FKBP1A: variants seen among roughly 807,000 people sequenced by gnomAD.
FKBP1A encodes peptidyl-prolyl cis-trans isomerase FKBP1A.
In FKBP1A, 5 loss-of-function variants were observed where a neutral mutation model predicts 14.2. The observed-to-expected ratio is 0.35, with a 90% CI of 0.18 to 0.74. The LOEUF (loss-of-function observed/expected upper bound fraction) is 0.74. FKBP1A is among the 30% of genes least tolerant of loss of function. The pLI, the probability that FKBP1A is intolerant of heterozygous loss-of-function variation, is 0.56. For missense variants in FKBP1A, 53 were observed against 138.8 expected, an observed-to-expected ratio of 0.38 and a Z score of 3.10; for synonymous variants, 42 against 49.1, an observed-to-expected ratio of 0.86 and a Z score of 0.60.
rs912140375 is a variant in FKBP1A, at chr20:1,369,269, G to A, written c.*840C>T. 10 of 166,872 alleles carry A rather than the reference G, an allele frequency of 6.0e-5. No homozygotes were observed. The highest frequency in any genetic ancestry group is 1.2e-4 in the Non-Finnish European group (8 of 68,078). 10.3% of individuals were successfully genotyped at this position (166,872 alleles called of 1,614,324 possible). On this transcript the variant is annotated 3_prime_UTR_variant, in exon 5 of 5. Transcript: ENST00000400137. Reference sequence around the variant, plus strand: ...TCACTGGGTGTTAAGTCTACAAACAGCACCTTCAATTGAAACTGTCAATTA... The same window carrying A: ...TCACTGGGTGTTAAGTCTACAAACAACACCTTCAATTGAAACTGTCAATTA...
chr20:1,380,120 C>T (rs1037749212), intron 2 of FKBP1A, among the ~76,000 whole-genome samples: 1 of 152,106 alleles, frequency 6.6e-6, no homozygotes, highest in Non-Finnish European at 1.5e-5. Flanking sequence ...CTAAAAACCA[C>T]CTAGACAAAA....
At chr20:1,388,084 A>G (rs1030881251) in intron 2 of FKBP1A, among the ~76,000 whole-genome samples, 1 of 152,340 alleles carries the variant, frequency 6.6e-6, no homozygotes, top group African/African-American at 2.4e-5. Context: ...ATGCAAAGGG[A>G]AAAATGTACC....
At chr20:1,389,407 A>T (rs1391089164) in intron 2 of FKBP1A, among the ~76,000 whole-genome samples, 1 of 152,192 alleles carries the variant, frequency 6.6e-6, no homozygotes, top group Non-Finnish European at 1.5e-5. Context: ...CAGACATCAG[A>T]TCACCAACCA....
chr20:1,375,579 A>G lies in FKBP1A; in HGVS notation c.110T>C (p.Phe37Ser). ...CTTGTTTCTGTCCCGGGAGGAATCA[A>G]ATTTCTTTCCATCTTCAAGCATCCC... Reference protein sequence around the residue: ...YTGMLEDGKKFDSSRDRNKPF... With the variant: ...YTGMLEDGKKSDSSRDRNKPF... The change falls in exon 3 of 5, where the codon TTT becomes TCT. Residue 37 changes from phenylalanine to serine, a missense_variant. Physicochemically the swap from Phe to Ser is radical, Grantham distance 155 (BLOSUM62 -2). Transcript: ENST00000400137. 6.2e-7 allele frequency: 1 copy of G among 1,613,854 alleles called. No individual in the cohort carries two copies. Among genetic ancestry groups the G allele is most frequent in the Non-Finnish European group, 8.5e-7 (1 of 1,179,806 alleles).
chr20:1,371,675 T>C (rs897773655), intron 4 of FKBP1A: 1 of 982,840 alleles, frequency 1.0e-6, no homozygotes, highest in African/African-American at 1.7e-5. Context: ...AGGGCTTTTT[T>C]TTTCCCCCTC....
chr20:1,384,105 G>C (rs1393078694), intron 2 of FKBP1A, among the ~76,000 whole-genome samples: 2 of 152,152 alleles, frequency 1.3e-5, no homozygotes, highest in African/African-American at 4.8e-5. Flanking sequence ...TCATGCTTTA[G>C]TCTCTAGCTC....
In FKBP1A at chr20:1,386,917, AC is replaced by A. The variant is rs1419556353; in HGVS notation, c.85+5916del. On this transcript the variant is annotated intron_variant, in intron 2 of 4. Coordinates refer to ENST00000400137, the MANE Select transcript of FKBP1A (RefSeq NM_000801.5). This position sits in a 1 kb window ranked among gnomAD's most constrained non-coding sequence, Gnocchi z 4.7. ...TTAAGCTTTTTAGCAGGAAAAGAAA[AC>A]AAAAAAACAGAAGAAAAAATAGAAG... Among the ~76,000 whole-genome samples, 4 of 152,232 alleles carry A rather than the reference AC, an allele frequency of 2.6e-5. No homozygotes were observed. The highest frequency in any genetic ancestry group is 9.7e-5 in the African/African-American group (4 of 41,448).
intron 4 of FKBP1A, chr20:1,370,480 C>T: frequency 2.0e-6 from 2 of 976,496 alleles, no homozygotes; most frequent in Non-Finnish European, 2.4e-6. Flanking sequence ...TAGGGTTTGA[C>T]CTGGGCATCA....
At chr20:1,391,868 C>A in intron 2 of FKBP1A, 1 of 378,880 alleles carries the variant, frequency 2.6e-6, no homozygotes, top group Non-Finnish European at 4.7e-6. Flanking sequence ...GTGGCTACAC[C>A]AATCACTGCC....
chr20:1,388,290 C>G (rs1430438426), intron 2 of FKBP1A, among the ~76,000 whole-genome samples: 1 of 152,186 alleles, frequency 6.6e-6, no homozygotes, highest in Non-Finnish European at 1.5e-5. Flanking sequence ...GTGGAGTATT[C>G]TATAACTAGC....
chr20:1,388,897 T>C (rs2089699503), intron 2 of FKBP1A, among the ~76,000 whole-genome samples: 1 of 152,120 alleles, frequency 6.6e-6, no homozygotes, highest in Non-Finnish European at 1.5e-5. Flanking sequence ...TTCCTGTTCC[T>C]CTAACGCACC....
chr20:1,372,367 T>C, intron 3 of FKBP1A, 127 bp from the exon 4 acceptor site: 1 of 930,506 alleles, frequency 1.1e-6, no homozygotes, highest in South Asian at 1.6e-5. Flanking sequence ...ACTTTGCAGC[T>C]GCCCAGGCAT....
At chr20:1,388,570 C>T (rs1323075010) in intron 2 of FKBP1A, among the ~76,000 whole-genome samples, 1 of 152,180 alleles carries the variant, frequency 6.6e-6, no homozygotes, top group African/African-American at 2.4e-5. Context: ...ATGGCAGGGT[C>T]AAGATCAGAA....
chr20:1,376,529 A>C (rs1298638998), intron 2 of FKBP1A, among the ~76,000 whole-genome samples: 1 of 152,186 alleles, frequency 6.6e-6, no homozygotes, highest in Non-Finnish European at 1.5e-5. Context: ...CAGTAAACCC[A>C]GCCAACTGCT....
chr20:1,390,137 GTGATGGC>G (rs1402307354), intron 2 of FKBP1A, among the ~76,000 whole-genome samples: 1 of 152,202 alleles, frequency 6.6e-6, no homozygotes, highest in East Asian at 1.9e-4. Flanking sequence ...CTGCACACCT[GTGATGGC>G]TAAGGGGAGA....
At chr20:1,375,928 AT>A (rs1347497085) in intron 2 of FKBP1A, among the ~76,000 whole-genome samples, 2 of 152,052 alleles carry the variant, frequency 1.3e-5, no homozygotes, top group East Asian at 1.9e-4. Flanking sequence ...CACCCCGTGG[AT>A]TTTCTCCCCA....
At chr20:1,371,634 G>A (rs775688506) in intron 4 of FKBP1A, 27 of 824,938 alleles carry the variant, frequency 3.3e-5, no homozygotes, top group African/African-American at 3.7e-5. Context: ...AGAGAGAGCC[G>A]CAGAAGCTAG....
At chr20:1,380,710 A>C (rs964538785) in intron 2 of FKBP1A, among the ~76,000 whole-genome samples, 2 of 152,176 alleles carry the variant, frequency 1.3e-5, no homozygotes, top group Non-Finnish European at 2.9e-5. Flanking sequence ...CAAAATTCAC[A>C]ATGTCTGGCA....
chr20:1,390,346 TGGGGAGGGGGGAGG>T (rs1305906221), intron 2 of FKBP1A, among the ~76,000 whole-genome samples: 5 of 11,902 alleles, frequency 4.2e-4, no homozygotes, highest in Admixed American at 1.2e-3. Flanking sequence ...AAGCTGGCCA[TGGGGAGGGGGGAGG>T]GGGGAGGGGG....
Sources: gnomAD v4.1 joint callset for allele counts (sites outside exome capture counted in the v4.1 genomes callset) on GRCh38, gnomAD v4.1.1 for gene constraint, Gnocchi (gnomAD v3.1) non-coding constraint, MANE v1.5 for transcripts, NCBI Gene and HGNC (gene_info 2026-07-23, HGNC 2026-07-21) for gene names.